The following GLIS3 variants were observed in gnomAD, a reference collection of about 807,000 sequenced individuals.
GLIS3 encodes GLIS family zinc finger 3, also known as zinc finger protein GLIS3.
GLIS3 carries 53 observed loss-of-function variants against 78.6 expected under a neutral mutation model. The observed-to-expected ratio is 0.67, with a 90% CI of 0.54 to 0.85. The LOEUF (loss-of-function observed/expected upper bound fraction) is 0.85, where lower values mean the gene tolerates loss of function less well. Among genes scored for constraint, GLIS3 ranks in the 40% least tolerant of loss-of-function variants. GLIS3 has a pLI of 0.00. For synonymous variants in GLIS3, 684 were observed against 509.9 expected (o/e 1.34, Z -4.60); for missense variants, 1,703 against 1,231.1 (o/e 1.38, Z -5.74).
At chr9:4,011,619 C>A (rs1320720958) in intron 4 of GLIS3, among the ~76,000 whole-genome samples, 1 of 152,164 alleles carries the variant, frequency 6.6e-6, no homozygotes, top group Non-Finnish European at 1.5e-5. Context: ...TAGTGGCGAA[C>A]TGCCCTGGAC....
intron 2 of GLIS3, among the ~76,000 whole-genome samples, chr9:4,172,184 T>G (rs1816429938): frequency 6.6e-6 from 1 of 152,212 alleles, no homozygotes; most frequent in African/African-American, 2.4e-5. Context: ...GAATATGTAT[T>G]TCTTATTTAC....
At chr9:4,167,127 T>C (rs765120951) in intron 2 of GLIS3, among the ~76,000 whole-genome samples, 2 of 152,194 alleles carry the variant, frequency 1.3e-5, no homozygotes, top group Admixed American at 6.5e-5. Context: ...CAAACCCTCA[T>C]TGTACCATTG....
chr9:3,912,254 C>T (rs1824205285), intron 6 of GLIS3, among the ~76,000 whole-genome samples: 1 of 152,154 alleles, frequency 6.6e-6, no homozygotes, highest in Non-Finnish European at 1.5e-5. Context: ...TTCTTAGTAA[C>T]TCACTGGGCT....
intron 4 of GLIS3, among the ~76,000 whole-genome samples, chr9:4,058,526 T>C (rs1321291850): frequency 1.3e-5 from 2 of 152,080 alleles, no homozygotes; most frequent in African/African-American, 2.4e-5. Context: ...TTCCAATAAG[T>C]CCTGGAATGT....
chr9:4,167,695 G>A (rs373802898), intron 2 of GLIS3, among the ~76,000 whole-genome samples: 3 of 152,188 alleles, frequency 2.0e-5, no homozygotes, highest in African/African-American at 7.2e-5. Flanking sequence ...CTGGAATTTG[G>A]GATTGCCTGA....
intron 2 of GLIS3, among the ~76,000 whole-genome samples, chr9:4,201,564 A>C (rs1249866762): frequency 6.6e-6 from 1 of 152,228 alleles, no homozygotes; most frequent in Non-Finnish European, 1.5e-5. Flanking sequence ...AGCCTAATTA[A>C]GAACAAAATC....
At chr9:3,896,820 C>T (rs1822878220) in intron 7 of GLIS3, among the ~76,000 whole-genome samples, 2 of 152,116 alleles carry the variant, frequency 1.3e-5, no homozygotes, top group South Asian at 2.1e-4. Context: ...CCTGAAGACA[C>T]TCCACTGATG....
At chr9:4,349,943 T>C (rs1366841776), upstream of GLIS3, among the ~76,000 whole-genome samples, 2 of 152,230 alleles carry the variant, frequency 1.3e-5, no homozygotes, top group Non-Finnish European at 2.9e-5. Context: ...TGAGATAATC[T>C]GCTGCAGAGG....
At chr9:4,188,166 A>G (rs4387024) in intron 2 of GLIS3, among the ~76,000 whole-genome samples, 103,977 of 149,508 alleles carry the variant, frequency 0.7, 36,996 homozygotes, top group South Asian at 0.8. Context: ...TTTGAGATAC[A>G]TCCCATCAAT....
intron 4 of GLIS3, among the ~76,000 whole-genome samples, chr9:4,056,015 G>C (rs150746785): frequency 1.3e-5 from 2 of 152,266 alleles, no homozygotes; most frequent in African/African-American, 2.4e-5. Flanking sequence ...GGACTGATAG[G>C]ATGATCATGC....
intron 2 of GLIS3, among the ~76,000 whole-genome samples, chr9:4,238,162 G>C (rs1822951016): frequency 6.6e-6 from 1 of 152,126 alleles, no homozygotes; most frequent in Admixed American, 6.5e-5. Context: ...TTTACATAAA[G>C]TTTATTCCCT....
intron 4 of GLIS3, among the ~76,000 whole-genome samples, chr9:4,084,256 AACACACACACACACACACAC>A (rs370384726): frequency 7.6e-6 from 1 of 132,120 alleles, no homozygotes; most frequent in African/African-American, 2.8e-5. Context: ...TCCTCTCTCT[AACACACACACACACACACAC>A]ACACACACAC....
chr9:4,406,717 T>G, the GLIS3 span, among the ~76,000 whole-genome samples: 1 of 152,006 alleles, frequency 6.6e-6, no homozygotes, highest in African/African-American at 2.4e-5. Context: ...ATACATAAAC[T>G]TAAGTACCTA....
the GLIS3 span, among the ~76,000 whole-genome samples, chr9:4,431,498 T>A: frequency 6.6e-6 from 1 of 152,218 alleles, no homozygotes; most frequent in East Asian, 1.9e-4. Context: ...GATCTTTTCA[T>A]CCTGTGGTTC....
At chr9:3,976,466 A>T (rs1588363427) in intron 4 of GLIS3, among the ~76,000 whole-genome samples, 1 of 149,734 alleles carries the variant, frequency 6.7e-6, no homozygotes, top group Middle Eastern at 3.4e-3. Context: ...CTTGCCACCA[A>T]ATGCAGTCTT....
the GLIS3 span, among the ~76,000 whole-genome samples, chr9:4,386,041 C>A: frequency 1.3e-5 from 2 of 152,296 alleles, no homozygotes. Flanking sequence ...CATGGCCAAC[C>A]AGTGACAAAC....
intron 2 of GLIS3, among the ~76,000 whole-genome samples, chr9:4,205,222 C>A (rs1045073305): frequency 6.6e-6 from 1 of 150,476 alleles, no homozygotes; most frequent in African/African-American, 2.4e-5. Flanking sequence ...TTCAAGACAG[C>A]AAGCCACTAT....
At chr9:3,846,520 C>T (rs1819054718) in intron 9 of GLIS3, among the ~76,000 whole-genome samples, 1 of 152,190 alleles carries the variant, frequency 6.6e-6, no homozygotes, top group African/African-American at 2.4e-5. Context: ...AAGTCTGAAA[C>T]AGGGGTGTCA....
chr9:4,026,617 T>A (rs1479180090), intron 4 of GLIS3, among the ~76,000 whole-genome samples: 2 of 152,264 alleles, frequency 1.3e-5, no homozygotes, highest in South Asian at 2.1e-4. Flanking sequence ...AATAAAGTAA[T>A]TCAATAAAAC....
Sources: allele counts gnomAD v4.1 joint callset (sites outside exome capture counted in the v4.1 genomes callset), GRCh38; gene constraint gnomAD v4.1.1; transcripts MANE v1.5; gene names NCBI Gene and HGNC (gene_info 2026-07-23, HGNC 2026-07-21).